Variants in CCAR1 observed in about 807,000 individuals in gnomAD.
CCAR1 encodes cell division cycle and apoptosis regulator protein 1.
CCAR1 carries 78 observed loss-of-function variants against 163.8 expected under a neutral mutation model. That is an observed-to-expected ratio of 0.48 (90% CI 0.40 to 0.57). The LOEUF is 0.57. Ranked by LOEUF, CCAR1 falls within the 20% of genes least tolerant of loss-of-function variation. The pLI, the probability that CCAR1 is intolerant of heterozygous loss-of-function variation, is 0.00. For synonymous variants in CCAR1, 443 were observed against 460.7 expected, an observed-to-expected ratio of 0.96 and a Z score of 0.49; for missense variants, 1,019 against 1,365.2, an observed-to-expected ratio of 0.75 and a Z score of 4.00.
chr10:68,766,205 G>C, intron 17 of CCAR1, 126 bp downstream of exon 17: 1 of 655,416 alleles, frequency 1.5e-6, no homozygotes, highest in Non-Finnish European at 2.5e-6. Flanking sequence ...GTTTTGTTTT[G>C]TTTTTGTTTT....
At position 68,765,917 on chromosome 10, in the gene CCAR1, A is replaced by G; in HGVS notation, c.2136A>G (p.Ile712Met). 1.2e-6 allele frequency: 2 copies of G among 1,613,162 alleles called. No individual in the cohort carries two copies. Among genetic ancestry groups the G allele is most frequent in the East Asian group, 2.2e-5 (1 of 44,864 alleles). Residue 712 changes from isoleucine to methionine, a missense_variant, in exon 17 of 25, where the codon ATA becomes ATG. By Grantham distance (10) the Ile-to-Met change is conservative. This residue lies in a region of CCAR1 where 644 missense variants were observed against 904.4 expected (regional missense o/e 0.71). Transcript: ENST00000265872. Reference sequence around the variant, plus strand: ...AAGAAAGGAAACGTCAAGAGGAAATAGAACGCCAGCGTCGAGAAAGAAGAT... The same window carrying G: ...AAGAAAGGAAACGTCAAGAGGAAATGGAACGCCAGCGTCGAGAAAGAAGAT... ...EEEERKRQEE[I>M]ERQRRERRYI...
chr10:68,774,596 A>C (rs992597916), intron 19 of CCAR1, among the ~76,000 whole-genome samples: 1 of 150,956 alleles, frequency 6.6e-6, no homozygotes. Context: ...GTGCCATTGC[A>C]CTCTAGCCAT....
chr10:68,770,995 G>A (rs1258330122), intron 17 of CCAR1, among the ~76,000 whole-genome samples: 1 of 151,932 alleles, frequency 6.6e-6, no homozygotes, highest in East Asian at 1.9e-4. Flanking sequence ...GGAGAATGGC[G>A]TGAACCCGGG....
chr10:68,765,330 C>CT (rs2056523376), intron 16 of CCAR1, among the ~76,000 whole-genome samples: 2 of 152,228 alleles, frequency 1.3e-5, no homozygotes, highest in Admixed American at 6.5e-5. Flanking sequence ...AGCTGCTGCA[C>CT]TTTCCAGTAA....
chr10:68,754,109 TTTC>T (rs747206670), intron 11 of CCAR1, 32 bp downstream of exon 11: 1 of 1,419,876 alleles, frequency 7.0e-7, no homozygotes. Flanking sequence ...GCAGCTTAAA[TTTC>T]TTAGCAGTTA....
intron 19 of CCAR1, among the ~76,000 whole-genome samples, chr10:68,785,138 C>T (rs542541534): frequency 8.6e-5 from 13 of 151,612 alleles, no homozygotes; most frequent in Middle Eastern, 6.8e-3. Context: ...AGGATGGTCT[C>T]GATCTCCTGA....
At chr10:68,730,708 T>C (rs1345381663) in intron 2 of CCAR1, among the ~76,000 whole-genome samples, 1 of 152,156 alleles carries the variant, frequency 6.6e-6, no homozygotes, top group Non-Finnish European at 1.5e-5. Context: ...ATTTAATTTT[T>C]TGAGACAGGG....
At chr10:68,758,689 AT>A (rs869159556) in intron 15 of CCAR1, among the ~76,000 whole-genome samples, 4 of 13,364 alleles carry the variant, frequency 3.0e-4, no homozygotes, top group Admixed American at 1.0e-3. Context: ...GTATATATAT[AT>A]TTTTTTTTTT....
In CCAR1 at chr10:68,749,208, G is replaced by A. The variant is rs750851345; in HGVS notation, c.899G>A (p.Arg300Gln). 45 of 1,613,006 alleles carry A rather than the reference G, an allele frequency of 2.8e-5. No individual in the cohort carries two copies. The highest frequency in any genetic ancestry group is 3.6e-5 in the Non-Finnish European group (43 of 1,179,798). Reference protein sequence around the residue: ...QPARRLDPPSRFSGRNDRGDQ... With the variant: ...QPARRLDPPSQFSGRNDRGDQ... ...GCACGACGATTAGATCCCCCATCCC[G>A]ATTTTCAGGAAGAAATGACAGAGGG... is the stretch of plus-strand genomic sequence containing the variant. Residue 300 changes from arginine to glutamine, a missense_variant, in exon 9 of 25, where the codon CGA becomes CAA. Arg to Gln is a conservative substitution (Grantham distance 43). Transcript: ENST00000265872.
At chr10:68,753,320 G>A (rs1434904360) in intron 10 of CCAR1, among the ~76,000 whole-genome samples, 1 of 152,180 alleles carries the variant, frequency 6.6e-6, no homozygotes, top group Non-Finnish European at 1.5e-5. Flanking sequence ...TGGAGGTGCA[G>A]ATAATCCAAG....
chr10:68,737,469 C>G (rs555233529), intron 3 of CCAR1, among the ~76,000 whole-genome samples: 1 of 144,732 alleles, frequency 6.9e-6, no homozygotes, highest in East Asian at 2.0e-4. Flanking sequence ...CACCACTGCA[C>G]TCTGGGAGGC....
At chr10:68,761,676 C>A (rs917421788) in intron 16 of CCAR1, among the ~76,000 whole-genome samples, 3 of 151,598 alleles carry the variant, frequency 2.0e-5, no homozygotes, top group African/African-American at 7.3e-5. Flanking sequence ...GATCTTGGCT[C>A]ACCACAACCT....
At chr10:68,744,105 G>A (rs968472836) in intron 6 of CCAR1, among the ~76,000 whole-genome samples, 19 of 152,028 alleles carry the variant, frequency 1.2e-4, no homozygotes, top group Non-Finnish European at 1.9e-4. Context: ...GGCTGGTCTC[G>A]AACTCCTGAC....
chr10:68,765,929 T>G lies in CCAR1; in HGVS notation c.2148T>G (p.Arg716=). Residue 716 remains arginine, a synonymous_variant, in exon 17 of 25, where the codon CGT becomes CGG. Coordinates refer to ENST00000265872, the MANE Select transcript of CCAR1 (RefSeq NM_018237.4). ...GTCAAGAGGAAATAGAACGCCAGCG[T>G]CGAGAAAGAAGATATATTTTGCCTG... ...RKRQEEIERQ[R]RERRYILPDE... 1.2e-6 allele frequency: 2 copies of G among 1,613,856 alleles called. No individual in the cohort carries two copies. Among genetic ancestry groups the G allele is most frequent in the Non-Finnish European group, 1.7e-6 (2 of 1,179,956 alleles).
At chr10:68,782,571 A>G (rs1362413159) in intron 19 of CCAR1, among the ~76,000 whole-genome samples, 1 of 152,202 alleles carries the variant, frequency 6.6e-6, no homozygotes, top group Admixed American at 6.6e-5. Flanking sequence ...TCACAGCTAG[A>G]GAAGAGCATT....
rs767260832 is a variant in CCAR1, at chr10:68,788,171, A to G, written c.3030A>G (p.Thr1010=). ...ACAGATTATTACTTCCAACACCAAC[A>G]GTAAAGCAGGAATCAAAGGATGTGG... is the stretch of plus-strand genomic sequence containing the variant. The part of the protein sequence containing the change: ...LGNRLLLPTP[T]VKQESKDVEE... The change falls in exon 23 of 25, where the codon ACA becomes ACG. Residue 1010 remains threonine, a synonymous_variant. Transcript: ENST00000265872. 11 of 1,581,562 alleles carry G rather than the reference A, an allele frequency of 7.0e-6. No individual in the cohort carries two copies. The highest frequency in any genetic ancestry group is 2.6e-6 in the Non-Finnish European group (3 of 1,169,148).
chr10:68,770,190 C>T (rs1366803384), intron 17 of CCAR1, among the ~76,000 whole-genome samples: 1 of 152,008 alleles, frequency 6.6e-6, no homozygotes, highest in Non-Finnish European at 1.5e-5. Context: ...AGGTGTTTAT[C>T]CTGCTTGTTT....
intron 19 of CCAR1, among the ~76,000 whole-genome samples, chr10:68,784,686 C>T (rs1448907074): frequency 6.6e-6 from 1 of 152,026 alleles, no homozygotes; most frequent in Non-Finnish European, 1.5e-5. Flanking sequence ...GTAGCTGGAA[C>T]CGCAGGCATG....
intron 16 of CCAR1, 93 bp from the exon 17 acceptor site, chr10:68,765,795 T>G: frequency 1.2e-6 from 1 of 836,082 alleles, no homozygotes; most frequent in Non-Finnish European, 1.8e-6. Flanking sequence ...TTCCTTTTAT[T>G]TATGAGATAT....
Sources: allele counts gnomAD v4.1 joint callset (sites outside exome capture counted in the v4.1 genomes callset), GRCh38; gene constraint gnomAD v4.1.1; regional missense constraint gnomAD v4.1.1; transcripts MANE v1.5; gene names NCBI Gene and HGNC (gene_info 2026-07-23, HGNC 2026-07-21).